The following HS6ST3 variants were observed in gnomAD, a reference collection of about 807,000 sequenced individuals.
The protein encoded by HS6ST3 is heparan sulfate 6-O-sulfotransferase 3.
A neutral mutation model predicts 36.7 loss-of-function variants in HS6ST3; 12 were observed. The ratio of observed to expected loss-of-function variants is 0.33; its 90% confidence interval spans 0.21 to 0.53. The LOEUF is 0.53. Among genes scored for constraint, HS6ST3 ranks in the 20% least tolerant of loss-of-function variants. HS6ST3 has a pLI of 0.95. For missense variants in HS6ST3, 584 were observed against 640.9 expected (o/e 0.91, Z 0.96); for synonymous variants, 240 against 257.5 (o/e 0.93, Z 0.65).
chr13:96,177,079 C>G (rs1292865214), intron 1 of HS6ST3, among the ~76,000 whole-genome samples: 1 of 152,138 alleles, frequency 6.6e-6, no homozygotes, highest in East Asian at 1.9e-4. Context: ...GATACCATCT[C>G]ATGCCAGTCA....
At chr13:96,532,562 G>T (rs1189311053) in intron 1 of HS6ST3, among the ~76,000 whole-genome samples, 2 of 152,226 alleles carry the variant, frequency 1.3e-5, no homozygotes, top group Non-Finnish European at 2.9e-5. Flanking sequence ...GTGAGAAAAT[G>T]CTTGACCTGA....
chr13:96,713,212 G>T (rs928345296), intron 1 of HS6ST3, among the ~76,000 whole-genome samples: 1 of 152,208 alleles, frequency 6.6e-6, no homozygotes, highest in Non-Finnish European at 1.5e-5. Context: ...AGTTACAGGA[G>T]TTTTAAATAT....
At chr13:96,179,595 C>G (rs554938505) in intron 1 of HS6ST3, among the ~76,000 whole-genome samples, 6 of 152,152 alleles carry the variant, frequency 3.9e-5, no homozygotes, top group Admixed American at 2.6e-4. Context: ...AGATCATTCA[C>G]GGCCTCTTCT....
intron 1 of HS6ST3, among the ~76,000 whole-genome samples, chr13:96,297,628 ACCTTGC>A (rs981824264): frequency 6.6e-6 from 1 of 151,842 alleles, no homozygotes; most frequent in African/African-American, 2.4e-5. Context: ...CTTACTCCCT[ACCTTGC>A]CCAATAATCT....
intron 1 of HS6ST3, among the ~76,000 whole-genome samples, chr13:96,376,588 G>A (rs532725953): frequency 6.6e-6 from 1 of 152,232 alleles, no homozygotes; most frequent in East Asian, 1.9e-4. Flanking sequence ...TTGAATCCTT[G>A]ATCTACCTTT....
intron 1 of HS6ST3, among the ~76,000 whole-genome samples, chr13:96,349,844 A>G (rs1015997005): frequency 1.3e-5 from 2 of 152,210 alleles, no homozygotes; most frequent in African/African-American, 4.8e-5. Context: ...AAAGCAAATA[A>G]TGTTGGTGTA....
chr13:96,238,375 G>A (rs2054544586), intron 1 of HS6ST3, among the ~76,000 whole-genome samples: 2 of 152,168 alleles, frequency 1.3e-5, no homozygotes, highest in African/African-American at 4.8e-5. Flanking sequence ...GTCAGCCAAA[G>A]TGCTTTCTTT....
chr13:96,161,505 A>G (rs1191194500), intron 1 of HS6ST3, among the ~76,000 whole-genome samples: 1 of 152,180 alleles, frequency 6.6e-6, no homozygotes, highest in African/African-American at 2.4e-5. Flanking sequence ...ATTCTCCACT[A>G]AGATTCCTAA....
intron 1 of HS6ST3, among the ~76,000 whole-genome samples, chr13:96,829,805 A>G (rs903052476): frequency 2.6e-5 from 4 of 152,226 alleles, no homozygotes; most frequent in Non-Finnish European, 4.4e-5. Flanking sequence ...TGCAAAGAAC[A>G]TACATGTGCA....
chr13:96,532,747 CA>C, intron 1 of HS6ST3, among the ~76,000 whole-genome samples: 1 of 151,850 alleles, frequency 6.6e-6, no homozygotes, highest in East Asian at 1.9e-4. Flanking sequence ...TTCAGGAAGT[CA>C]AAAAATTACT....
chr13:96,740,646 C>T (rs1013269717), intron 1 of HS6ST3, among the ~76,000 whole-genome samples: 12 of 152,104 alleles, frequency 7.9e-5, no homozygotes, highest in Admixed American at 6.6e-4. Flanking sequence ...TTTAATATGT[C>T]AGTAAGGGGA....
chr13:96,533,882 G>C (rs1361260790), intron 1 of HS6ST3, among the ~76,000 whole-genome samples: 1 of 152,102 alleles, frequency 6.6e-6, no homozygotes, highest in Non-Finnish European at 1.5e-5. Flanking sequence ...TCTTTACTTG[G>C]TATTTGCTTT....
intron 1 of HS6ST3, among the ~76,000 whole-genome samples, chr13:96,655,071 T>C (rs1057101416): frequency 9.9e-5 from 15 of 152,252 alleles, no homozygotes; most frequent in African/African-American, 3.4e-4. Flanking sequence ...TTAAGCTGTT[T>C]ATAAGTGAAG....
chr13:96,091,598 T>TGGCG, intron 1 of HS6ST3, 29 bp downstream of exon 1: 1 of 1,488,788 alleles, frequency 6.7e-7, no homozygotes, highest in Non-Finnish European at 9.0e-7. Context: ...TCTCTGTTCT[T>TGGCG]CCCCCCCACC....
chr13:96,211,432 A>G (rs771406339), intron 1 of HS6ST3, among the ~76,000 whole-genome samples: 142 of 152,214 alleles, frequency 9.3e-4, no homozygotes, highest in Admixed American at 3.7e-3. Flanking sequence ...CACGACTACA[A>G]TGTTCAGCTT....
At chr13:96,244,612 A>G (rs968848297) in intron 1 of HS6ST3, among the ~76,000 whole-genome samples, 2 of 152,196 alleles carry the variant, frequency 1.3e-5, no homozygotes, top group South Asian at 2.1e-4. Flanking sequence ...CTATTTTGCT[A>G]TTAATCAATG....
intron 1 of HS6ST3, among the ~76,000 whole-genome samples, chr13:96,337,940 A>G (rs2055110054): frequency 6.6e-6 from 1 of 151,798 alleles, no homozygotes; most frequent in African/African-American, 2.4e-5. Context: ...TCATATTTTA[A>G]TTTTTAAAAA....
chr13:96,809,225 A>C (rs1426367463), intron 1 of HS6ST3, among the ~76,000 whole-genome samples: 1 of 152,168 alleles, frequency 6.6e-6, no homozygotes, highest in East Asian at 1.9e-4. Flanking sequence ...ACTAGTAATA[A>C]AATCTTTATT....
intron 1 of HS6ST3, among the ~76,000 whole-genome samples, chr13:96,760,298 A>G (rs1398273112): frequency 6.6e-6 from 1 of 151,990 alleles, no homozygotes; most frequent in Non-Finnish European, 1.5e-5. Flanking sequence ...TTTGATTATA[A>G]TTATGATTTT....
Sources: allele counts gnomAD v4.1 joint callset (sites outside exome capture counted in the v4.1 genomes callset), GRCh38; gene constraint gnomAD v4.1.1; transcripts MANE v1.5; gene names NCBI Gene and HGNC (gene_info 2026-07-23, HGNC 2026-07-21).